The following CENPH variants were observed in gnomAD, a reference collection of about 807,000 sequenced individuals.
CENPH encodes the protein centromere protein H.
CENPH carries 40 observed loss-of-function variants against 42.9 expected under a neutral mutation model. The ratio of observed to expected loss-of-function variants is 0.93; its 90% CI spans 0.72 to 1.21. CENPH has a LOEUF of 1.21. Among genes scored for constraint, CENPH ranks in the 50% most tolerant of loss-of-function variants. The pLI is 0.00. For missense variants in CENPH, 302 were observed against 292.9 expected (o/e 1.03, Z -0.23); for synonymous variants, 88 against 96.5 (o/e 0.91, Z 0.52).
intron 7 of CENPH, among the ~76,000 whole-genome samples, chr5:69,203,373 TA>T (rs750299540): frequency 7.3e-6 from 1 of 137,230 alleles, no homozygotes; most frequent in Non-Finnish European, 1.7e-5. Flanking sequence ...TTTAATATGG[TA>T]TTTTTTTTTG....
Position 69,204,597 on chromosome 5 carries a change from CTTTT to C in CENPH, c.487+1648_487+1651del, listed in dbSNP as rs530678541. Among the ~76,000 whole-genome samples, 653 of 69,544 alleles carry C rather than the reference CTTTT, an allele frequency of 9.4e-3. 3 individuals carry two copies. The highest frequency in any genetic ancestry group is 0.037 in the East Asian group (74 of 1,990). 45.6% of individuals were successfully genotyped at this position (69,544 alleles called of 152,430 possible). On this transcript the variant is annotated intron_variant, in intron 7 of 8. Transcript: ENST00000283006. ...GAGCTACCACACCTGGCTTGTATTTCTTTTTTTTTTTTTTTTTTTTTTTTGTGAG... is the reference window on the plus strand; with the variant it reads ...GAGCTACCACACCTGGCTTGTATTTCTTTTTTTTTTTTTTTTTTTTGTGAG...
intron 6 of CENPH, 69 bp from the exon 7 acceptor site, chr5:69,202,850 T>G (rs1748079759): frequency 2.1e-6 from 2 of 938,008 alleles, no homozygotes; most frequent in South Asian, 1.5e-5. Flanking sequence ...ATAAACTCAG[T>G]GATTTAAGTA....
At chr5:69,200,719 C>CTTTTGT (rs1748043910) in intron 5 of CENPH, among the ~76,000 whole-genome samples, 1 of 46,900 alleles carries the variant, frequency 2.1e-5, no homozygotes, top group Non-Finnish European at 4.2e-5. Context: ...ATCAGCGTAT[C>CTTTTGT]TTTTTTTTTT....
intron 5 of CENPH, among the ~76,000 whole-genome samples, chr5:69,199,560 T>C (rs1451401968): frequency 2.0e-5 from 3 of 152,060 alleles, no homozygotes; most frequent in Admixed American, 6.6e-5. Context: ...GAGGAGTTAG[T>C]CAATAGGAAG....
chr5:69,206,043 A>G (rs1032427577), intron 7 of CENPH, among the ~76,000 whole-genome samples: 1 of 151,544 alleles, frequency 6.6e-6, no homozygotes, highest in African/African-American at 2.4e-5. Context: ...TTATTTTTCT[A>G]TAGAGACAGG....
intron 3 of CENPH, among the ~76,000 whole-genome samples, chr5:69,195,027 C>T (rs1350993983): frequency 5.3e-5 from 8 of 151,346 alleles, no homozygotes; most frequent in Non-Finnish European, 1.0e-4. Context: ...GTCGGGAGTT[C>T]GAAACCAGCC....
Position 69,209,852 on chromosome 5 carries a change from T to G in CENPH, c.*53T>G. On this transcript the variant is annotated 3_prime_UTR_variant, in exon 9 of 9. Transcript: ENST00000283006. Reference sequence around the variant, plus strand: ...ATTTCTGGCAATCTCAACTCTTATTTGGAATACTTCTGTGCATTTGTCTGT... The same window carrying G: ...ATTTCTGGCAATCTCAACTCTTATTGGGAATACTTCTGTGCATTTGTCTGT... 1 of 1,009,472 alleles carries G rather than the reference T, an allele frequency of 9.9e-7. No individual in the cohort carries two copies. Among genetic ancestry groups the G allele is most frequent in the Non-Finnish European group, 1.6e-6 (1 of 638,580 alleles). The allele number at this position is 1,009,472 out of a possible 1,614,324, so 62.5% of individuals were successfully genotyped here. A position where few individuals can be genotyped will look rare whatever the true frequency, so the allele number is the denominator to read the frequency against.
intron 5 of CENPH, among the ~76,000 whole-genome samples, chr5:69,200,279 G>A (rs925118119): frequency 2.0e-5 from 3 of 152,148 alleles, no homozygotes; most frequent in African/African-American, 7.2e-5. Context: ...GGATTCCTAT[G>A]TAAGCCTGAT....
rs144907388 is a variant in CENPH at position 69,193,475 on chromosome 5, A to G, written c.191-1172A>G. ...GAGACCCCCACCTCTAAAAAAAACA[A>G]TTGGCCAGATGTGGTACCATGTGCC... On this transcript the variant is annotated intron_variant, in intron 2 of 8. Coordinates refer to ENST00000283006, the MANE Select transcript of CENPH (RefSeq NM_022909.4). Among the ~76,000 whole-genome samples the G allele has an allele frequency of 1.8e-3, 275 of 151,786 alleles. 2 individuals carry two copies. The highest frequency in any genetic ancestry group is 5.5e-3 in the African/African-American group (229 of 41,418).
Position 69,189,583 on chromosome 5 carries a change from C to A in CENPH, c.-52C>A, listed in dbSNP as rs370130299. 2.0e-6 allele frequency: 3 copies of A among 1,504,326 alleles called. No homozygotes were observed. The highest frequency in any genetic ancestry group is 1.4e-5 in the African/African-American group (1 of 71,560). The allele number at this position is 1,504,326 out of a possible 1,614,324, so 93.2% of individuals were successfully genotyped here. A position where few individuals can be genotyped will look rare whatever the true frequency, so the allele number is the denominator to read the frequency against. Reference sequence around the variant, plus strand: ...TCCATTTAGTGGCGGGAAAAGCGACCTTTTCTGAGCGCGTTTGCCTGTTGA... The same window carrying A: ...TCCATTTAGTGGCGGGAAAAGCGACATTTTCTGAGCGCGTTTGCCTGTTGA... On this transcript the variant is annotated 5_prime_UTR_variant, in exon 1 of 9. Coordinates refer to ENST00000283006, the MANE Select transcript of CENPH (RefSeq NM_022909.4).
chr5:69,208,959 T>A (rs1748204539), intron 8 of CENPH, among the ~76,000 whole-genome samples: 2 of 121,514 alleles, frequency 1.6e-5, no homozygotes, highest in Non-Finnish European at 3.5e-5. Flanking sequence ...CACACCTGGC[T>A]AATTTTTGTG....
At chr5:69,191,915 C>A in intron 2 of CENPH, 65 bp downstream of exon 2, 3 of 929,130 alleles carry the variant, frequency 3.2e-6, no homozygotes, top group Non-Finnish European at 5.3e-6. Flanking sequence ...GAGACAGGGT[C>A]TTGCTATCAC....
Position 69,195,731 on chromosome 5 carries a change from TG to T in CENPH, c.256del (p.Glu86LysfsTer7). The T allele has an allele frequency of 6.4e-7, 1 of 1,558,580 alleles. No individual in the cohort carries two copies. Among genetic ancestry groups the T allele is most frequent in the Non-Finnish European group, 8.7e-7 (1 of 1,143,234 alleles). On this transcript the variant is annotated frameshift_variant, in exon 4 of 9. Coordinates refer to ENST00000283006, the MANE Select transcript of CENPH (RefSeq NM_022909.4). LOFTEE classifies it high-confidence loss of function. ...TTCTTTGATAGTAAAATTGAAGACCTGGAAAATGAAATTGAAGAGGTAAAAG... is the reference window on the plus strand; with the variant it reads ...TTCTTTGATAGTAAAATTGAAGACCTGAAAATGAAATTGAAGAGGTAAAAG... ...EKQIEAKIED[L>X]ENEIEEVKVA...
chr5:69,206,742 C>T (rs962667241), intron 7 of CENPH, among the ~76,000 whole-genome samples: 8 of 152,118 alleles, frequency 5.3e-5, no homozygotes, highest in African/African-American at 1.7e-4. Flanking sequence ...GTGATCCACC[C>T]TCCTCAGCCT....
intron 5 of CENPH, among the ~76,000 whole-genome samples, chr5:69,201,104 G>A (rs1394896224): frequency 1.3e-5 from 2 of 151,800 alleles, no homozygotes; most frequent in Non-Finnish European, 2.9e-5. Context: ...GGGATTACAG[G>A]CATGAGCCAC....
intron 1 of CENPH, 101 bp from the exon 2 acceptor site, chr5:69,191,694 G>T (rs1230000992): frequency 2.8e-6 from 2 of 706,170 alleles, no homozygotes; most frequent in Non-Finnish European, 5.1e-6. Context: ...TTATTTTGTT[G>T]TATCAGCTTC....
chr5:69,193,152 T>C (rs943885258), intron 2 of CENPH, among the ~76,000 whole-genome samples: 9 of 147,562 alleles, frequency 6.1e-5, no homozygotes, highest in African/African-American at 2.3e-4. Context: ...TATACGTATA[T>C]GTATATATAT....
chr5:69,200,595 C>CCCCTTTTG (rs1478958540), intron 5 of CENPH, among the ~76,000 whole-genome samples: 1 of 151,932 alleles, frequency 6.6e-6, no homozygotes, highest in Non-Finnish European at 1.5e-5. Context: ...TGTGCATATT[C>CCCCTTTTG]CCCTTTTGAC....
chr5:69,202,512 C>T lies in CENPH; in HGVS notation c.378C>T (p.Leu126=), dbSNP rs747197629. Residue 126 remains leucine (L), a synonymous_variant, in exon 6 of 9, where the codon CTC becomes CTT. Coordinates refer to ENST00000283006, the MANE Select transcript of CENPH (RefSeq NM_022909.4). ...CTTTTTGTTTCCTTTTCAGTGTGCT[C>T]ATGGATAACATGAAACACCTATTAG... ...LEKISRQSSV[L]MDNMKHLLEL... is the part of the protein sequence containing the mutation. 4.2e-5 allele frequency: 65 copies of T among 1,546,964 alleles called. No homozygotes were observed. The highest frequency in any genetic ancestry group is 1.0e-4 in the Admixed American group (6 of 57,152).
Sources: gnomAD v4.1 joint callset for allele counts (sites outside exome capture counted in the v4.1 genomes callset) on GRCh38, gnomAD v4.1.1 for gene constraint, MANE v1.5 for transcripts, NCBI Gene and HGNC (gene_info 2026-07-23, HGNC 2026-07-21) for gene names.